Variants in SHISA9 observed in about 807,000 individuals in gnomAD.
SHISA9 encodes protein shisa-9.
A neutral mutation model predicts 38.0 loss-of-function variants in SHISA9; 13 were observed. That is an observed-to-expected ratio of 0.34 (90% confidence interval 0.22 to 0.54). The LOEUF is 0.54. Ranked by LOEUF, SHISA9 falls within the 20% of genes least tolerant of loss-of-function variation. The pLI, the probability that SHISA9 is intolerant of heterozygous loss-of-function variation, is 0.91. For synonymous variants in SHISA9, 275 were observed against 242.0 expected (o/e 1.14, Z -1.27); for missense variants, 538 against 575.8 (o/e 0.93, Z 0.67).
chr16:13,033,894 C>G (rs780346139), intron 2 of SHISA9, among the ~76,000 whole-genome samples: 1 of 152,218 alleles, frequency 6.6e-6, no homozygotes, highest in South Asian at 2.1e-4. Flanking sequence ...GCCTGTAATT[C>G]TAGCACTTTG....
chr16:13,221,878 G>A (rs546601328), intron 4 of SHISA9, among the ~76,000 whole-genome samples: 62 of 152,222 alleles, frequency 4.1e-4, no homozygotes, highest in Middle Eastern at 6.8e-3. Flanking sequence ...GCCTGTTTTG[G>A]ATATAGCTGT....
the SHISA9 span, among the ~76,000 whole-genome samples, chr16:13,394,928 G>GGGGTGTGTGT: frequency 7.2e-6 from 1 of 139,402 alleles, no homozygotes; most frequent in African/African-American, 2.7e-5. Flanking sequence ...CAGTATCTGG[G>GGGGTGTGTGT]GTGTGTGTGT....
chr16:13,306,954 A>G, the SHISA9 span, among the ~76,000 whole-genome samples: 3 of 152,238 alleles, frequency 2.0e-5, no homozygotes, highest in African/African-American at 7.2e-5. Flanking sequence ...GTAGATACTT[A>G]ATAAATATTT....
At chr16:13,350,990 G>A in the SHISA9 span, among the ~76,000 whole-genome samples, 3,128 of 152,234 alleles carry the variant, frequency 0.021, 102 homozygotes, top group African/African-American at 0.071. Context: ...AGGTTTTCCC[G>A]AACAGTAAAT....
chr16:13,413,124 C>G, the SHISA9 span, among the ~76,000 whole-genome samples: 1 of 152,252 alleles, frequency 6.6e-6, no homozygotes, highest in East Asian at 1.9e-4. Flanking sequence ...TTTAATCTGA[C>G]TCTGAAGGAT....
chr16:13,220,282 T>C (rs185094748), intron 4 of SHISA9, among the ~76,000 whole-genome samples: 114 of 152,288 alleles, frequency 7.5e-4, no homozygotes, highest in Middle Eastern at 3.4e-3. Context: ...GACTTGACTC[T>C]GCTCCATGTG....
chr16:13,029,869 G>A (rs964369888), intron 2 of SHISA9, among the ~76,000 whole-genome samples: 8 of 152,328 alleles, frequency 5.3e-5, no homozygotes, highest in Middle Eastern at 3.4e-3. Context: ...AAGGCTGGGA[G>A]CCAGAGGCCT....
chr16:13,307,648 T>C, the SHISA9 span, among the ~76,000 whole-genome samples: 3 of 152,244 alleles, frequency 2.0e-5, no homozygotes, highest in Non-Finnish European at 4.4e-5. Flanking sequence ...CTGCGTGAAG[T>C]ACAGCTCTAA....
chr16:12,954,593 G>T (rs1187697516), intron 2 of SHISA9, among the ~76,000 whole-genome samples: 1 of 152,146 alleles, frequency 6.6e-6, no homozygotes, highest in African/African-American at 2.4e-5. Context: ...ACATTTTAAT[G>T]AATAATAATG....
the SHISA9 span, among the ~76,000 whole-genome samples, chr16:13,320,104 A>G: frequency 8.6e-5 from 13 of 151,764 alleles, no homozygotes; most frequent in African/African-American, 2.9e-4. Context: ...CATCCTGGCC[A>G]ACATGGTGAA....
the SHISA9 span, among the ~76,000 whole-genome samples, chr16:13,354,160 G>A: frequency 6.7e-6 from 1 of 148,906 alleles, no homozygotes; most frequent in Non-Finnish European, 1.5e-5. Context: ...GAATCCCTGA[G>A]GAGTAGTAGA....
the SHISA9 span, among the ~76,000 whole-genome samples, chr16:13,413,186 C>T: frequency 6.6e-6 from 1 of 152,198 alleles, no homozygotes; most frequent in Admixed American, 6.5e-5. Flanking sequence ...ATAAAACCAC[C>T]ATTAGGGTCT....
chr16:13,304,124 C>T, the SHISA9 span, among the ~76,000 whole-genome samples: 1 of 152,302 alleles, frequency 6.6e-6, no homozygotes, highest in South Asian at 2.1e-4. Context: ...ACTCTCCATC[C>T]ATTTCTCCAA....
the SHISA9 span, among the ~76,000 whole-genome samples, chr16:13,358,995 A>G: frequency 6.6e-6 from 1 of 152,188 alleles, no homozygotes; most frequent in South Asian, 2.1e-4. Context: ...AGAGGCATGA[A>G]GCCTAGAACT....
At chr16:13,437,553 A>G in the SHISA9 span, among the ~76,000 whole-genome samples, 2 of 152,252 alleles carry the variant, frequency 1.3e-5, no homozygotes, top group South Asian at 2.1e-4. Context: ...GCCTGGCCCC[A>G]GGGCCCGTGT....
intron 1 of SHISA9, among the ~76,000 whole-genome samples, chr16:12,904,496 A>T (rs1324861489): frequency 1.3e-5 from 2 of 152,032 alleles, no homozygotes; most frequent in Non-Finnish European, 1.5e-5. Flanking sequence ...CAAGGGCCCA[A>T]CTTCCTGGTC....
chr16:13,391,061 A>G, the SHISA9 span, among the ~76,000 whole-genome samples: 1 of 152,200 alleles, frequency 6.6e-6, no homozygotes, highest in African/African-American at 2.4e-5. Flanking sequence ...AAAGAGGATG[A>G]GAATTAAAGA....
the SHISA9 span, among the ~76,000 whole-genome samples, chr16:13,309,009 G>T: frequency 7.3e-4 from 111 of 152,280 alleles, no homozygotes; most frequent in Non-Finnish European, 7.9e-4. Context: ...CTCTAACAAG[G>T]TCTATACCAT....
intron 2 of SHISA9, among the ~76,000 whole-genome samples, chr16:12,953,509 T>C (rs1391783265): frequency 1.3e-5 from 2 of 152,080 alleles, no homozygotes; most frequent in Admixed American, 6.5e-5. Context: ...CATAAGGACA[T>C]TGATTGATTG....
Sources: allele counts gnomAD v4.1 joint callset (sites outside exome capture counted in the v4.1 genomes callset), GRCh38; gene constraint gnomAD v4.1.1; transcripts MANE v1.5; gene names NCBI Gene and HGNC (gene_info 2026-07-23, HGNC 2026-07-21).